Variants in CTNNA3 observed in about 807,000 individuals in gnomAD.
CTNNA3 encodes the protein catenin alpha 3, also known as catenin alpha-3.
A neutral mutation model predicts 95.7 loss-of-function variants in CTNNA3; 76 were observed. The observed-to-expected ratio is 0.79, with a 90% confidence interval of 0.66 to 0.96. The LOEUF is 0.96. Among genes scored for constraint, CTNNA3 ranks in the 40% least tolerant of loss-of-function variants. The probability of loss-of-function intolerance (pLI) is 0.00; values close to 1 mark genes in which losing one functional copy is unlikely to be tolerated. For synonymous variants in CTNNA3, 431 were observed against 374.4 expected, an observed-to-expected ratio of 1.15 and a Z score of -1.74; for missense variants, 1,191 against 1,089.8, an observed-to-expected ratio of 1.09 and a Z score of -1.31.
At chr10:66,383,852 C>A (rs1190006722) in intron 11 of CTNNA3, among the ~76,000 whole-genome samples, 1 of 152,092 alleles carries the variant, frequency 6.6e-6, no homozygotes, top group African/African-American at 2.4e-5. Flanking sequence ...AACTAAGCTT[C>A]ATAAGTGAAG....
chr10:67,029,259 G>A (rs1231159237), intron 7 of CTNNA3, among the ~76,000 whole-genome samples: 2 of 152,158 alleles, frequency 1.3e-5, no homozygotes, highest in African/African-American at 2.4e-5. Context: ...TGAATTTACA[G>A]TTGAAATAAG....
intron 7 of CTNNA3, among the ~76,000 whole-genome samples, chr10:66,781,141 T>C (rs1452111641): frequency 1.3e-5 from 2 of 152,154 alleles, no homozygotes; most frequent in African/African-American, 2.4e-5. Flanking sequence ...ATCTAATTCA[T>C]AGTCAAATGA....
chr10:65,991,380 C>A (rs550126673), intron 15 of CTNNA3, among the ~76,000 whole-genome samples: 1 of 152,112 alleles, frequency 6.6e-6, no homozygotes, highest in South Asian at 2.1e-4. Flanking sequence ...AATATTAATT[C>A]TTCTGATCTA....
chr10:66,412,526 T>C (rs1188123505), intron 11 of CTNNA3, among the ~76,000 whole-genome samples: 1 of 149,854 alleles, frequency 6.7e-6, no homozygotes, highest in Non-Finnish European at 1.5e-5. Flanking sequence ...AGTGGCATGA[T>C]CTCGGCTCAC....
At chr10:67,287,675 G>A (rs7902608) in intron 5 of CTNNA3, among the ~76,000 whole-genome samples, 23,611 of 152,074 alleles carry the variant, frequency 0.16, 2,695 homozygotes, top group South Asian at 0.32. Context: ...GCCTTGAAAC[G>A]CTCATCAGAC....
intron 11 of CTNNA3, among the ~76,000 whole-genome samples, chr10:66,471,995 T>C (rs1839152065): frequency 6.6e-6 from 1 of 152,032 alleles, no homozygotes; most frequent in South Asian, 2.1e-4. Flanking sequence ...GTAAAAGTAT[T>C]ATAAGCATTT....
intron 7 of CTNNA3, among the ~76,000 whole-genome samples, chr10:66,964,020 T>C (rs996367897): frequency 2.1e-4 from 32 of 151,060 alleles, no homozygotes; most frequent in Admixed American, 1.3e-3. Flanking sequence ...CTAATTTTCG[T>C]ATTTTTTTTT....
At chr10:66,074,221 A>T (rs1021554669) in intron 14 of CTNNA3, among the ~76,000 whole-genome samples, 7 of 105,586 alleles carry the variant, frequency 6.6e-5, no homozygotes, top group Non-Finnish European at 1.6e-4. Flanking sequence ...ATTCCACTCT[A>T]CAAATATATA....
chr10:66,772,035 C>G (rs545047549), intron 8 of CTNNA3, among the ~76,000 whole-genome samples: 2 of 40,596 alleles, frequency 4.9e-5, no homozygotes, highest in African/African-American at 1.5e-4. Context: ...GGGAAGGCAT[C>G]AAGCTGTACA....
At chr10:67,158,774 G>A (rs1297179908) in intron 7 of CTNNA3, among the ~76,000 whole-genome samples, 5 of 151,600 alleles carry the variant, frequency 3.3e-5, no homozygotes, top group South Asian at 4.2e-4. Flanking sequence ...AAGCTTCATC[G>A]CTATCTTAGT....
chr10:66,035,031 T>C (rs2079533207), intron 15 of CTNNA3, among the ~76,000 whole-genome samples: 1 of 152,162 alleles, frequency 6.6e-6, no homozygotes, highest in African/African-American at 2.4e-5. Context: ...GTGCAGTGTT[T>C]GGGGCATTCA....
chr10:66,457,125 A>C (rs192054670), intron 11 of CTNNA3, among the ~76,000 whole-genome samples: 1 of 152,220 alleles, frequency 6.6e-6, no homozygotes, highest in Admixed American at 6.6e-5. Flanking sequence ...AAAACAAAAA[A>C]ACCTTTACAA....
chr10:67,733,538 T>C (rs887529590), intron 1 of CTNNA3, among the ~76,000 whole-genome samples: 2 of 152,220 alleles, frequency 1.3e-5, no homozygotes, highest in Admixed American at 6.5e-5. Context: ...CAAGCTATCC[T>C]ATTGCTTAAA....
chr10:66,807,029 T>C (rs189460416), intron 7 of CTNNA3, among the ~76,000 whole-genome samples: 125 of 151,998 alleles, frequency 8.2e-4, no homozygotes, highest in Middle Eastern at 3.4e-3. Context: ...CGCTAATCAA[T>C]GTAGGCAGAA....
intron 7 of CTNNA3, among the ~76,000 whole-genome samples, chr10:66,984,144 T>A (rs1391515650): frequency 1.4e-5 from 1 of 70,584 alleles, no homozygotes; most frequent in East Asian, 3.3e-4. Context: ...CTAGGAGTCA[T>A]CCGCTACCAA....
At chr10:67,678,939 C>T (rs772372915) in intron 1 of CTNNA3, among the ~76,000 whole-genome samples, 16 of 152,098 alleles carry the variant, frequency 1.1e-4, no homozygotes, top group South Asian at 8.3e-4. Flanking sequence ...TACAAGTCTC[C>T]TCCTCCCCCA....
intron 7 of CTNNA3, among the ~76,000 whole-genome samples, chr10:66,956,734 A>G (rs1848809932): frequency 6.6e-6 from 1 of 152,166 alleles, no homozygotes; most frequent in South Asian, 2.1e-4. Flanking sequence ...TATTTTTCCA[A>G]AGTGGTTGCT....
chr10:66,547,343 C>T (rs80149551), intron 10 of CTNNA3, among the ~76,000 whole-genome samples: 89 of 83,114 alleles, frequency 1.1e-3, no homozygotes, highest in South Asian at 1.9e-3. Context: ...ATTTTTCTTT[C>T]TTTCTTTTTT....
At chr10:67,261,393 T>C (rs543409456) in intron 5 of CTNNA3, among the ~76,000 whole-genome samples, 2 of 152,252 alleles carry the variant, frequency 1.3e-5, no homozygotes, top group South Asian at 2.1e-4. Flanking sequence ...GAAAAATATA[T>C]GAATGGTCTT....
Sources: allele counts gnomAD v4.1 joint callset (sites outside exome capture counted in the v4.1 genomes callset), GRCh38; gene constraint gnomAD v4.1.1; transcripts MANE v1.5; gene names NCBI Gene and HGNC (gene_info 2026-07-23, HGNC 2026-07-21).